The following VAV3 variants were observed in gnomAD, a reference collection of about 807,000 sequenced individuals.
The protein encoded by VAV3 is guanine nucleotide exchange factor VAV3.
VAV3 carries 94 observed loss-of-function variants against 131.2 expected under a neutral mutation model. The observed-to-expected ratio is 0.72, with a 90% CI of 0.61 to 0.85. The LOEUF (loss-of-function observed/expected upper bound fraction) is 0.85. VAV3 is among the 40% of genes least tolerant of loss of function. The pLI is 0.00. For missense variants in VAV3, 939 were observed against 1,002.7 expected, an observed-to-expected ratio of 0.94 and a Z score of 0.86; for synonymous variants, 349 against 342.0, an observed-to-expected ratio of 1.02 and a Z score of -0.22.
intron 15 of VAV3, among the ~76,000 whole-genome samples, chr1:107,712,283 C>T (rs977540216): frequency 2.0e-5 from 3 of 152,118 alleles, no homozygotes; most frequent in African/African-American, 7.2e-5. Flanking sequence ...GGTCTGCAGG[C>T]CACATGTGGC....
At chr1:107,662,628 CA>C (rs1398008820) in intron 19 of VAV3, among the ~76,000 whole-genome samples, 1 of 152,148 alleles carries the variant, frequency 6.6e-6, no homozygotes, top group Non-Finnish European at 1.5e-5. Flanking sequence ...TCTTATAGCC[CA>C]AATGCAACCA....
chr1:107,719,753 T>C (rs1306628959), intron 15 of VAV3, among the ~76,000 whole-genome samples: 1 of 152,118 alleles, frequency 6.6e-6, no homozygotes, highest in East Asian at 1.9e-4. Context: ...TAAAGACACA[T>C]GAACACATAT....
intron 19 of VAV3, chr1:107,668,898 G>A (rs1657587800): frequency 1.0e-6 from 1 of 986,022 alleles, no homozygotes; most frequent in South Asian, 4.7e-5. Context: ...ACAGAGGCAT[G>A]CTGTAACAGT....
At chr1:107,812,687 C>T (rs1206569960) in intron 2 of VAV3, among the ~76,000 whole-genome samples, 1 of 152,126 alleles carries the variant, frequency 6.6e-6, no homozygotes, top group Non-Finnish European at 1.5e-5. Flanking sequence ...GTTTATTTCC[C>T]ATTCAGTTAA....
At chr1:107,902,228 C>A (rs560308481) in intron 1 of VAV3, among the ~76,000 whole-genome samples, 1 of 152,208 alleles carries the variant, frequency 6.6e-6, no homozygotes, top group Non-Finnish European at 1.5e-5. Context: ...AGGGTCTCTA[C>A]AGACTTTGCC....
At position 107,770,729 on chromosome 1, in the gene VAV3, C is replaced by T; in HGVS notation, c.556-1G>A. ...TTCGTATATCATTTTCTGGACATTT[C>T]TGCAGTTAGAATTATCAAAATAAAA... On this transcript the variant is annotated splice_acceptor_variant, in intron 5 of 26. Coordinates refer to ENST00000370056, the MANE Select transcript of VAV3 (RefSeq NM_006113.5). LOFTEE classifies it high-confidence loss of function. 1 of 1,605,026 alleles carries T rather than the reference C, an allele frequency of 6.2e-7. No homozygotes were observed. Among genetic ancestry groups the T allele is most frequent in the Non-Finnish European group, 8.5e-7 (1 of 1,175,342 alleles).
At chr1:107,884,877 T>C (rs1183693076) in intron 1 of VAV3, among the ~76,000 whole-genome samples, 1 of 152,100 alleles carries the variant, frequency 6.6e-6, no homozygotes, top group African/African-American at 2.4e-5. Context: ...TCTGCACACA[T>C]GATAAAGAAG....
intron 13 of VAV3, 109 bp from the exon 14 acceptor site, chr1:107,749,703 C>T: frequency 4.9e-6 from 6 of 1,237,020 alleles, no homozygotes; most frequent in Middle Eastern, 2.4e-4. Context: ...TTAAAGACAA[C>T]AGGTAGTATC....
In VAV3 at chr1:107,642,632, C is replaced by T. The variant is rs1330312412; in HGVS notation, c.1901G>A (p.Ser634Asn). 2.5e-6 allele frequency: 4 copies of T among 1,613,034 alleles called. No individual in the cohort carries two copies. The highest frequency in any genetic ancestry group is 3.4e-6 in the Non-Finnish European group (4 of 1,179,464). ...TVELLKGDAHSLFWQGRNLAS... is the reference protein window; with the variant it reads ...TVELLKGDAHNLFWQGRNLAS... ...CAACAACAGTACCTGCCAAAACAGACTGTGTGCATCTCCTTTCAGAAGTTC... is the reference window on the plus strand; with the variant it reads ...CAACAACAGTACCTGCCAAAACAGATTGTGTGCATCTCCTTTCAGAAGTTC... Residue 634 changes from serine (S) to asparagine (N), a missense_variant, in exon 20 of 27, where the codon AGT (serine) becomes AAT (asparagine). Transcript: ENST00000370056.
rs150337981 is a variant in VAV3 at position 107,891,605 on chromosome 1, G to A, written c.205-16588C>T. Among the ~76,000 whole-genome samples, 626 of 152,024 alleles carry A rather than the reference G, an allele frequency of 4.1e-3. 5 individuals are homozygous for A. The highest frequency in any genetic ancestry group is 0.014 in the African/African-American group (585 of 41,448). ...TGTAAACCCAGCACTTTGGGAGGCC[G>A]AAGCGGGTGGATCACCTGAGGTCAG... On this transcript the variant is annotated intron_variant, in intron 1 of 26. Transcript: ENST00000370056.
At chr1:107,601,639 A>T (rs530108225) in intron 24 of VAV3, among the ~76,000 whole-genome samples, 1 of 152,330 alleles carries the variant, frequency 6.6e-6, no homozygotes, top group South Asian at 2.1e-4. Flanking sequence ...CAAACTTGAG[A>T]AACATACTTG....
At chr1:107,647,868 C>T (rs1655850875) in intron 19 of VAV3, among the ~76,000 whole-genome samples, 2 of 152,150 alleles carry the variant, frequency 1.3e-5, no homozygotes, top group Admixed American at 1.3e-4. Flanking sequence ...AGTTCACAAT[C>T]TAAGAATCAG....
At chr1:107,903,598 T>C (rs1171492842) in intron 1 of VAV3, among the ~76,000 whole-genome samples, 1 of 152,104 alleles carries the variant, frequency 6.6e-6, no homozygotes, top group African/African-American at 2.4e-5. Context: ...AATAAGGGCA[T>C]TCACCTAAGA....
intron 1 of VAV3, among the ~76,000 whole-genome samples, chr1:107,888,431 G>C (rs181168235): frequency 2.6e-5 from 4 of 152,112 alleles, no homozygotes; most frequent in Admixed American, 6.5e-5. Context: ...CTTTCAGCAG[G>C]CTTCTTCTCT....
At chr1:107,926,999 C>T (rs1053187794) in intron 1 of VAV3, among the ~76,000 whole-genome samples, 1 of 152,174 alleles carries the variant, frequency 6.6e-6, no homozygotes, top group Non-Finnish European at 1.5e-5. Context: ...ACACCCCTCC[C>T]CTAACCCCAT....
chr1:107,805,003 G>T (rs952591486), intron 2 of VAV3, among the ~76,000 whole-genome samples: 2 of 151,998 alleles, frequency 1.3e-5, no homozygotes, highest in Non-Finnish European at 2.9e-5. Flanking sequence ...CTTTGAAAAT[G>T]TATGTTTTCT....
chr1:107,755,368 T>C, intron 12 of VAV3, 59 bp downstream of exon 12: 1 of 1,251,580 alleles, frequency 8.0e-7, no homozygotes, highest in Non-Finnish European at 1.2e-6. Flanking sequence ...CAACAACAAC[T>C]CCTAGAATGT....
intron 1 of VAV3, among the ~76,000 whole-genome samples, chr1:107,944,489 A>C (rs996413696): frequency 6.6e-6 from 1 of 152,208 alleles, no homozygotes; most frequent in East Asian, 1.9e-4. Context: ...TTATAACCTG[A>C]ATTCTTTGTT....
At chr1:107,579,197 T>C (rs142039134) in intron 25 of VAV3, among the ~76,000 whole-genome samples, 73 of 152,358 alleles carry the variant, frequency 4.8e-4, no homozygotes, top group South Asian at 8.3e-4. Flanking sequence ...CAAACAGTAG[T>C]TAGCCCTCAC....
Sources: gnomAD v4.1 joint callset for allele counts (sites outside exome capture counted in the v4.1 genomes callset) on GRCh38, gnomAD v4.1.1 for gene constraint, MANE v1.5 for transcripts, NCBI Gene and HGNC (gene_info 2026-07-23, HGNC 2026-07-21) for gene names.